Variants in RBFOX1 observed in about 807,000 individuals in gnomAD.
RBFOX1 encodes RNA binding fox-1 homolog 1, also known as RNA binding protein fox-1 homolog 1.
Under a neutral mutation model 57.7 loss-of-function variants are expected in RBFOX1, and 8 were observed. That is an observed-to-expected ratio of 0.14 (90% CI 0.08 to 0.25). The LOEUF (loss-of-function observed/expected upper bound fraction) is 0.25, where lower values mean the gene tolerates loss of function less well. RBFOX1 is among the 10% of genes least tolerant of loss of function. The probability of loss-of-function intolerance (pLI) is 1.00; values close to 1 mark genes in which losing one functional copy is unlikely to be tolerated. For missense variants in RBFOX1, 611 were observed against 548.5 expected, an observed-to-expected ratio of 1.11 and a Z score of -1.14; for synonymous variants, 326 against 222.4, an observed-to-expected ratio of 1.47 and a Z score of -4.15.
Position 7,104,237 on chromosome 16 carries a change from C to T in RBFOX1, c.27+52139C>T, listed in dbSNP as rs189725238. On this transcript the variant is annotated intron_variant, in intron 4 of 15. Transcript: ENST00000550418. ...AACTACTGAAAACTGCAGTATTAAC[C>T]TCTAAATTGTATCCCTGAGACCCTC... 2.6e-5 allele frequency among the ~76,000 whole-genome samples: 4 copies of T among 152,186 alleles called. No individual in the cohort carries two copies. The East Asian group carries it at 5.8e-4, about 22-fold the overall frequency.
At chr16:7,696,711 C>T (rs939316014) in intron 14 of RBFOX1, among the ~76,000 whole-genome samples, 9 of 152,082 alleles carry the variant, frequency 5.9e-5, no homozygotes, top group East Asian at 1.9e-4. Flanking sequence ...AATATATATG[C>T]ATAGTAAGTT....
chr16:5,974,589 G>A (rs547225128), intron 4 of RBFOX1, among the ~76,000 whole-genome samples: 71 of 152,034 alleles, frequency 4.7e-4, no homozygotes, highest in Admixed American at 2.7e-3. Flanking sequence ...GAGCCTGGGC[G>A]ACAGAGCGAA....
chr16:7,653,772 T>C, intron 11 of RBFOX1, 43 bp from the exon 12 acceptor site: 2 of 1,589,128 alleles, frequency 1.3e-6, no homozygotes, highest in Non-Finnish European at 1.7e-6. Flanking sequence ...GGTGTGCATC[T>C]GACAGCCTGT....
chr16:7,128,009 C>A (rs935301045), intron 4 of RBFOX1, among the ~76,000 whole-genome samples: 1 of 152,190 alleles, frequency 6.6e-6, no homozygotes, highest in Non-Finnish European at 1.5e-5. Flanking sequence ...AAATCTGGTT[C>A]TTTGCTGTTT....
intron 1 of RBFOX1, among the ~76,000 whole-genome samples, chr16:6,099,290 G>A (rs1044574878): frequency 6.6e-6 from 1 of 152,174 alleles, no homozygotes; most frequent in African/African-American, 2.4e-5. Flanking sequence ...TGGTTCATTG[G>A]TGTATAGATG....
intron 3 of RBFOX1, among the ~76,000 whole-genome samples, chr16:6,830,633 C>G (rs1282481829): frequency 6.6e-6 from 1 of 152,126 alleles, no homozygotes; most frequent in Non-Finnish European, 1.5e-5. Context: ...AAACATACCA[C>G]AGTATATAGA....
chr16:7,421,835 A>G (rs917550346), intron 4 of RBFOX1, among the ~76,000 whole-genome samples: 1 of 152,246 alleles, frequency 6.6e-6, no homozygotes, highest in Non-Finnish European at 1.5e-5. Flanking sequence ...ATATTTTGTA[A>G]GGGCATGCAA....
At chr16:7,211,085 T>TA (rs59344460) in intron 4 of RBFOX1, among the ~76,000 whole-genome samples, 4,773 of 144,318 alleles carry the variant, frequency 0.033, 159 homozygotes, top group African/African-American at 0.087. Flanking sequence ...TACATACACT[T>TA]AAAAAAAAAA....
chr16:5,313,338 G>T (rs1221380393), intron 1 of RBFOX1, among the ~76,000 whole-genome samples: 2 of 152,096 alleles, frequency 1.3e-5, no homozygotes, highest in African/African-American at 2.4e-5. Flanking sequence ...CTCTAGATAT[G>T]GCTTTCCCCA....
intron 4 of RBFOX1, among the ~76,000 whole-genome samples, chr16:7,244,011 C>G (rs1211431740): frequency 6.6e-6 from 1 of 151,954 alleles, no homozygotes; most frequent in Non-Finnish European, 1.5e-5. Context: ...ATGTTCATAG[C>G]TTTTAAATCA....
intron 3 of RBFOX1, among the ~76,000 whole-genome samples, chr16:6,961,945 C>T (rs958613153): frequency 1.4e-5 from 2 of 141,320 alleles, no homozygotes; most frequent in Admixed American, 7.3e-5. Flanking sequence ...TTGTGCAGAC[C>T]TTCTGTCTCA....
At chr16:5,292,742 G>T (rs1362910225) in intron 1 of RBFOX1, among the ~76,000 whole-genome samples, 1 of 152,038 alleles carries the variant, frequency 6.6e-6, no homozygotes, top group African/African-American at 2.4e-5. Context: ...TCCTGCCTCA[G>T]CCTCCTGAGT....
At position 6,767,951 on chromosome 16, in the gene RBFOX1, AAGAAGAAG is replaced by A. The variant is rs1390284809; in HGVS notation, c.-16+113303_-16+113310del. On this transcript the variant is annotated intron_variant, in intron 3 of 15. Coordinates refer to ENST00000550418, the MANE Select transcript of RBFOX1 (RefSeq NM_018723.4). ...TAATAATAATAATAATAATAATAAG[AAGAAGAAG>A]AAGAAGAAGAAGAAGAAGAAGAAGA... is the stretch of plus-strand genomic sequence containing the variant. Among the ~76,000 whole-genome samples, 4 of 71,842 alleles carry A rather than the reference AAGAAGAAG, an allele frequency of 5.6e-5. No individual in the cohort carries two copies. The East Asian group carries it at 2.1e-3, about 38-fold the overall frequency. 47.1% of individuals were successfully genotyped at this position (71,842 alleles called of 152,430 possible).
intron 1 of RBFOX1, among the ~76,000 whole-genome samples, chr16:5,277,876 C>T (rs2063180276): frequency 6.6e-6 from 1 of 152,092 alleles, no homozygotes; most frequent in South Asian, 2.1e-4. Flanking sequence ...CGTATATTCC[C>T]ATTTTCTTTA....
At chr16:7,140,440 C>T (rs1417339710) in intron 4 of RBFOX1, among the ~76,000 whole-genome samples, 1 of 151,868 alleles carries the variant, frequency 6.6e-6, no homozygotes, top group East Asian at 1.9e-4. Flanking sequence ...TGTCTAACTT[C>T]CCAAATATGT....
chr16:5,598,397 G>A (rs75742632), intron 2 of RBFOX1, among the ~76,000 whole-genome samples: 4,933 of 152,120 alleles, frequency 0.032, 249 homozygotes, highest in African/African-American at 0.11. Context: ...AGTGTCAGCG[G>A]AGTCAAAGAT....
At chr16:5,351,277 C>T (rs541156751) in intron 1 of RBFOX1, among the ~76,000 whole-genome samples, 20 of 152,308 alleles carry the variant, frequency 1.3e-4, no homozygotes, top group Admixed American at 5.9e-4. Context: ...ATCTGTTAAG[C>T]GCTATGCCAG....
intron 5 of RBFOX1, among the ~76,000 whole-genome samples, chr16:7,524,601 T>C (rs968057124): frequency 3.3e-5 from 5 of 152,194 alleles, no homozygotes; most frequent in African/African-American, 1.2e-4. Flanking sequence ...CTCCCACCAC[T>C]TTCCCACTAG....
intron 4 of RBFOX1, among the ~76,000 whole-genome samples, chr16:7,186,502 A>G (rs1038868256): frequency 1.6e-4 from 21 of 131,994 alleles, no homozygotes; most frequent in African/African-American, 5.4e-4. Context: ...TTATATAAAT[A>G]TAAGCATAAA....
Sources: allele counts gnomAD v4.1 joint callset (sites outside exome capture counted in the v4.1 genomes callset), GRCh38; gene constraint gnomAD v4.1.1; transcripts MANE v1.5; gene names NCBI Gene and HGNC (gene_info 2026-07-23, HGNC 2026-07-21).